The following PPHLN1 variants were observed in gnomAD, a reference collection of about 807,000 sequenced individuals.
PPHLN1 encodes the protein periphilin 1, also known as periphilin-1.
Under a neutral mutation model 51.3 loss-of-function variants are expected in PPHLN1, and 29 were observed. The ratio of observed to expected loss-of-function variants is 0.57; its 90% CI spans 0.42 to 0.77. PPHLN1 has a LOEUF of 0.77. PPHLN1 is among the 30% of genes least tolerant of loss of function. The pLI is 0.00. For synonymous variants in PPHLN1, 147 were observed against 147.8 expected (o/e 0.99, Z 0.04); for missense variants, 436 against 438.4 (o/e 0.99, Z 0.05).
At chr12:42,355,431 T>TA in intron 4 of PPHLN1, 1 of 465,876 alleles carries the variant, frequency 2.1e-6, no homozygotes, top group East Asian at 3.9e-5. Flanking sequence ...TTGTAACTCA[T>TA]AAAAAAATAT....
chr12:42,444,631 A>C (rs1346889400), downstream of PPHLN1: 12 of 164,224 alleles, frequency 7.3e-5, no homozygotes, highest in Non-Finnish European at 1.3e-5. Context: ...GGATGATGCC[A>C]TCAGTTGCTA....
chr12:42,397,595 GT>G (rs1249014574), intron 8 of PPHLN1, among the ~76,000 whole-genome samples: 1 of 149,354 alleles, frequency 6.7e-6, no homozygotes, highest in Non-Finnish European at 1.5e-5. Flanking sequence ...CTATGTCTTA[GT>G]TTTGTGTTGC....
At chr12:42,446,425 A>G (rs1049309684), downstream of PPHLN1, 1 of 1,348,222 alleles carries the variant, frequency 7.4e-7, no homozygotes, top group Non-Finnish European at 1.0e-6. Context: ...TTTAGCTAGG[A>G]GGGACTAACA....
chr12:42,338,022 G>A (rs1356190716), intron 2 of PPHLN1, among the ~76,000 whole-genome samples: 1 of 152,014 alleles, frequency 6.6e-6, no homozygotes, highest in Non-Finnish European at 1.5e-5. Flanking sequence ...GACCTCAAGT[G>A]ATCCACCCCC....
At chr12:42,416,397 C>A (rs891538921) in intron 9 of PPHLN1, among the ~76,000 whole-genome samples, 1 of 152,228 alleles carries the variant, frequency 6.6e-6, no homozygotes, top group African/African-American at 2.4e-5. Flanking sequence ...CAATTCAATT[C>A]TGGCATTAAC....
At chr12:42,333,041 G>T (rs1369641290) in intron 1 of PPHLN1, among the ~76,000 whole-genome samples, 3 of 152,104 alleles carry the variant, frequency 2.0e-5, no homozygotes, top group Admixed American at 6.5e-5. Flanking sequence ...CTCCCCAGAG[G>T]CAATTGCTGT....
At chr12:42,441,253 T>C in intron 9 of PPHLN1, 62 bp from the exon 10 acceptor site, 2 of 1,501,792 alleles carry the variant, frequency 1.3e-6, no homozygotes, top group Non-Finnish European at 1.8e-6. Context: ...CCAACTCAGT[T>C]AGCTAAGTAT....
intron 2 of PPHLN1, among the ~76,000 whole-genome samples, chr12:42,338,303 C>G (rs888610466): frequency 6.6e-6 from 1 of 152,126 alleles, no homozygotes; most frequent in African/African-American, 2.4e-5. Flanking sequence ...CAACTGGGCA[C>G]CAGTCTGTAG....
chr12:42,387,317 C>G, intron 6 of PPHLN1, 139 bp from the exon 7 acceptor site: 2 of 849,482 alleles, frequency 2.4e-6, no homozygotes, highest in Non-Finnish European at 3.4e-6. Flanking sequence ...TAGATATTAA[C>G]CTATTTAATG....
intron 2 of PPHLN1, among the ~76,000 whole-genome samples, chr12:42,340,730 G>A (rs979747274): frequency 3.9e-5 from 6 of 152,078 alleles, no homozygotes; most frequent in Admixed American, 2.0e-4. Flanking sequence ...TCTTAATCTG[G>A]GTGGTACTTA....
chr12:42,426,226 A>C (rs993173819), intron 9 of PPHLN1, among the ~76,000 whole-genome samples: 9 of 123,194 alleles, frequency 7.3e-5, no homozygotes, highest in East Asian at 7.0e-4. Flanking sequence ...ACACACACAC[A>C]CACCCTCATG....
chr12:42,405,688 G>C (rs2079227937), intron 9 of PPHLN1, among the ~76,000 whole-genome samples: 1 of 152,138 alleles, frequency 6.6e-6, no homozygotes, highest in African/African-American at 2.4e-5. Flanking sequence ...TTAGCTGGGG[G>C]AATATTTGTA....
At chr12:42,372,947 A>G (rs755971115) in intron 4 of PPHLN1, among the ~76,000 whole-genome samples, 12 of 152,254 alleles carry the variant, frequency 7.9e-5, no homozygotes, top group Middle Eastern at 3.4e-3. Flanking sequence ...CGTTAACTAC[A>G]TCCCATTAAG....
chr12:42,413,445 G>T (rs2080056703), intron 9 of PPHLN1, among the ~76,000 whole-genome samples: 1 of 151,782 alleles, frequency 6.6e-6, no homozygotes, highest in Non-Finnish European at 1.5e-5. Flanking sequence ...CGTTATTTCT[G>T]GGTTCTCTAT....
At chr12:42,357,221 A>G (rs1432329562) in intron 4 of PPHLN1, among the ~76,000 whole-genome samples, 4 of 152,152 alleles carry the variant, frequency 2.6e-5, no homozygotes, top group Non-Finnish European at 5.9e-5. Flanking sequence ...TGGTAATTCA[A>G]TTTGGTTCCA....
intron 9 of PPHLN1, among the ~76,000 whole-genome samples, chr12:42,437,973 C>T (rs1272091204): frequency 6.6e-6 from 1 of 152,104 alleles, no homozygotes; most frequent in Non-Finnish European, 1.5e-5. Flanking sequence ...GCTTCTTTCA[C>T]TTAAGATTCT....
chr12:42,331,321 G>T (rs1032032106), intron 1 of PPHLN1, among the ~76,000 whole-genome samples: 1 of 152,214 alleles, frequency 6.6e-6, no homozygotes, highest in African/African-American at 2.4e-5. Flanking sequence ...AGTTACTATA[G>T]CCTAAGTTGC....
chr12:42,350,052 G>A (rs1156833023), intron 2 of PPHLN1, among the ~76,000 whole-genome samples: 1 of 149,368 alleles, frequency 6.7e-6, no homozygotes, highest in Non-Finnish European at 1.5e-5. Flanking sequence ...CTCCCAGACA[G>A]GGCGGCTGCC....
intron 8 of PPHLN1, among the ~76,000 whole-genome samples, chr12:42,394,781 G>A (rs982858648): frequency 6.6e-6 from 1 of 151,916 alleles, no homozygotes. Context: ...TTAAAAGCAT[G>A]AACAATACTT....
Sources: allele counts gnomAD v4.1 joint callset (sites outside exome capture counted in the v4.1 genomes callset), GRCh38; gene constraint gnomAD v4.1.1; transcripts MANE v1.5; gene names NCBI Gene and HGNC (gene_info 2026-07-23, HGNC 2026-07-21).